TMPRSS11E: variants seen among roughly 807,000 people sequenced by gnomAD.
TMPRSS11E encodes transmembrane protease serine 11E.
A neutral mutation model predicts 48.1 loss-of-function variants in TMPRSS11E; 38 were observed. The observed-to-expected ratio is 0.79, with a 90% CI of 0.61 to 1.04. The LOEUF (loss-of-function observed/expected upper bound fraction) is 1.04, where lower values mean the gene tolerates loss of function less well. Among genes scored for constraint, TMPRSS11E ranks in the 50% least tolerant of loss-of-function variants. The pLI is 0.00. For missense variants in TMPRSS11E, 530 were observed against 510.8 expected (o/e 1.04, Z -0.36); for synonymous variants, 158 against 171.9 (o/e 0.92, Z 0.63).
intron 1 of TMPRSS11E, among the ~76,000 whole-genome samples, chr4:68,451,041 TAGC>T (rs1728484146): frequency 6.6e-6 from 1 of 151,848 alleles, no homozygotes; most frequent in African/African-American, 2.4e-5. Flanking sequence ...ACATGAAAAA[TAGC>T]AGTGTCGTGT....
rs1259911982 is a variant in TMPRSS11E, at chr4:68,478,702, A to G, written c.968-147A>G. On this transcript the variant is annotated intron_variant, in intron 8 of 9. Coordinates refer to ENST00000305363, the MANE Select transcript of TMPRSS11E (RefSeq NM_014058.4). ...ACTCCTGGCTTCAAGCGATCCTCCAATCTCGGCCTCTCAAAGTGCTGGGAT... is the reference window on the plus strand; with the variant it reads ...ACTCCTGGCTTCAAGCGATCCTCCAGTCTCGGCCTCTCAAAGTGCTGGGAT... 1.4e-5 allele frequency: 11 copies of G among 789,568 alleles called. No individual in the cohort carries two copies. In the Admixed American group the frequency reaches 1.9e-4, roughly 13 times the overall value. The allele number at this position is 789,568 out of a possible 1,614,324, so 48.9% of individuals were successfully genotyped here. A position where few individuals can be genotyped will look rare whatever the true frequency, so the allele number is the denominator to read the frequency against.
At chr4:68,458,130 G>C (rs1052102711) in intron 1 of TMPRSS11E, among the ~76,000 whole-genome samples, 1 of 152,084 alleles carries the variant, frequency 6.6e-6, no homozygotes, top group Middle Eastern at 3.2e-3. Flanking sequence ...TTGCTGTGAA[G>C]AGGCTTCTTC....
At chr4:68,478,472 T>TTTTTTTTTTTA (rs878907082) in intron 8 of TMPRSS11E, among the ~76,000 whole-genome samples, 1 of 144,384 alleles carries the variant, frequency 6.9e-6, no homozygotes, top group African/African-American at 2.6e-5. Context: ...TTTTTTTTTT[T>TTTTTTTTTTTA]AAGATGGGGC....
intron 8 of TMPRSS11E, 48 bp from the exon 9 acceptor site, chr4:68,478,801 A>G (rs1198744457): frequency 6.3e-7 from 1 of 1,592,880 alleles, no homozygotes; most frequent in African/African-American, 1.4e-5. Flanking sequence ...CTTCAAGTTT[A>G]TAAAATATAT....
At chr4:68,484,220 T>C (rs931783545) in intron 9 of TMPRSS11E, among the ~76,000 whole-genome samples, 13 of 152,246 alleles carry the variant, frequency 8.5e-5, no homozygotes, top group African/African-American at 3.1e-4. Context: ...TGTAAATTTC[T>C]TTGAGCAGTA....
chr4:68,479,150 A>G (rs557440870), intron 9 of TMPRSS11E, among the ~76,000 whole-genome samples, 159 bp downstream of exon 9: 2 of 152,306 alleles, frequency 1.3e-5, no homozygotes, highest in South Asian at 2.1e-4. Flanking sequence ...ATAGTTCAAT[A>G]TAAGATCTGG....
At chr4:68,485,579 A>G (rs980544820) in intron 9 of TMPRSS11E, among the ~76,000 whole-genome samples, 19 of 152,290 alleles carry the variant, frequency 1.2e-4, no homozygotes, top group South Asian at 1.0e-3. Context: ...TTTTGCATCA[A>G]TGTTCATCAA....
intron 1 of TMPRSS11E, among the ~76,000 whole-genome samples, chr4:68,452,896 A>C (rs1311253802): frequency 6.6e-6 from 1 of 152,000 alleles, no homozygotes; most frequent in East Asian, 1.9e-4. Flanking sequence ...ACTAAACTGT[A>C]GGACAACTGG....
intron 2 of TMPRSS11E, among the ~76,000 whole-genome samples, chr4:68,466,088 C>T (rs1410214147): frequency 6.6e-6 from 1 of 152,164 alleles, no homozygotes; most frequent in Non-Finnish European, 1.5e-5. Context: ...TGCCAGGTGG[C>T]AACTTTAGCT....
intron 1 of TMPRSS11E, among the ~76,000 whole-genome samples, chr4:68,450,043 T>A (rs183318065): frequency 6.6e-6 from 1 of 151,848 alleles, no homozygotes; most frequent in Non-Finnish European, 1.5e-5. Context: ...GGAAAAACCT[T>A]GGTATAAAAT....
At chr4:68,462,063 A>G in intron 2 of TMPRSS11E, 118 bp downstream of exon 2, 1 of 1,279,302 alleles carries the variant, frequency 7.8e-7, no homozygotes, top group Non-Finnish European at 1.1e-6. Context: ...CATAGCCTGT[A>G]CAAAGGGATC....
intron 3 of TMPRSS11E, 32 bp from the exon 4 acceptor site, chr4:68,468,847 T>A (rs1365624785): frequency 3.0e-5 from 43 of 1,438,294 alleles, no homozygotes; most frequent in Non-Finnish European, 4.0e-5. Context: ...AAGTTGTTCT[T>A]GCTGATATAT....
intron 1 of TMPRSS11E, 91 bp from the exon 2 acceptor site, chr4:68,461,730 T>C: frequency 6.3e-7 from 1 of 1,579,160 alleles, no homozygotes; most frequent in Non-Finnish European, 8.6e-7. Flanking sequence ...TCCAACTGAA[T>C]GTCCTTTATT....
intron 1 of TMPRSS11E, among the ~76,000 whole-genome samples, chr4:68,447,914 C>A (rs1043941581): frequency 4.6e-5 from 7 of 151,394 alleles, no homozygotes; most frequent in African/African-American, 1.7e-4. Context: ...GAAAAAAAGT[C>A]TGAAATAATG....
At chr4:68,474,691 C>T (rs774484187) in intron 5 of TMPRSS11E, 32 bp from the exon 6 acceptor site, 1 of 1,603,510 alleles carries the variant, frequency 6.2e-7, no homozygotes, top group Non-Finnish European at 8.5e-7. Context: ...CTCTGATGTG[C>T]TGACCCTATT....
chr4:68,451,823 A>G (rs1728506182), intron 1 of TMPRSS11E, among the ~76,000 whole-genome samples: 2 of 151,846 alleles, frequency 1.3e-5, no homozygotes, highest in South Asian at 2.1e-4. Context: ...GCCCAGGGGT[A>G]ATAATAAAAG....
intron 9 of TMPRSS11E, among the ~76,000 whole-genome samples, chr4:68,482,238 G>A (rs547712215): frequency 6.6e-6 from 1 of 152,210 alleles, no homozygotes; most frequent in Non-Finnish European, 1.5e-5. Context: ...ATAACTCCAA[G>A]CCGTGAGTGA....
chr4:68,471,190 A>G (rs1031748925), intron 4 of TMPRSS11E, among the ~76,000 whole-genome samples: 3 of 151,790 alleles, frequency 2.0e-5, no homozygotes, highest in Non-Finnish European at 4.4e-5. Context: ...TAAGTGATAA[A>G]GAAAAAAGCA....
intron 4 of TMPRSS11E, among the ~76,000 whole-genome samples, chr4:68,469,641 C>G (rs1028084696): frequency 6.6e-6 from 1 of 151,908 alleles, no homozygotes; most frequent in African/African-American, 2.4e-5. Context: ...TGAGATACTG[C>G]CCTTTCTTGG....
Sources: gnomAD v4.1 joint callset for allele counts (sites outside exome capture counted in the v4.1 genomes callset) on GRCh38, gnomAD v4.1.1 for gene constraint, MANE v1.5 for transcripts, NCBI Gene and HGNC (gene_info 2026-07-23, HGNC 2026-07-21) for gene names.